The following ACACA variants were observed in gnomAD, a reference collection of about 807,000 sequenced individuals.
The protein encoded by ACACA is acetyl-CoA carboxylase 1.
ACACA carries 103 observed loss-of-function variants against 296.1 expected under a neutral mutation model. The ratio of observed to expected loss-of-function variants is 0.35; its 90% CI spans 0.30 to 0.41. The LOEUF is 0.41. ACACA is among the 10% of genes least tolerant of loss of function. The pLI is 1.00. For synonymous variants in ACACA, 953 were observed against 1,038.6 expected (o/e 0.92, Z 1.58); for missense variants, 1,554 against 2,989.7 (o/e 0.52, Z 11.20).
intron 25 of ACACA, among the ~76,000 whole-genome samples, chr17:37,227,113 A>G (rs2079574705): frequency 1.3e-5 from 2 of 152,208 alleles, no homozygotes; most frequent in African/African-American, 4.8e-5. Flanking sequence ...GGCTCCTACT[A>G]TAGAATCCAT....
chr17:37,302,202 C>CTT (rs1238449451), intron 3 of ACACA, among the ~76,000 whole-genome samples: 3 of 120,828 alleles, frequency 2.5e-5, no homozygotes, highest in Non-Finnish European at 3.5e-5. Context: ...GTCTGGAACT[C>CTT]TTTTTTTTTT....
intron 42 of ACACA, among the ~76,000 whole-genome samples, chr17:37,160,054 A>G (rs2076400071): frequency 6.6e-6 from 1 of 152,228 alleles, no homozygotes. Flanking sequence ...GTGGAATGGT[A>G]AGGGTGCAAG....
At chr17:37,315,339 CT>C (rs2047040635) in intron 3 of ACACA, among the ~76,000 whole-genome samples, 1 of 152,182 alleles carries the variant, frequency 6.6e-6, no homozygotes, top group African/African-American at 2.4e-5. Context: ...TGTCTTATGT[CT>C]GAGCTGTATT....
chr17:37,246,335 A>G (rs1180979345), intron 19 of ACACA, among the ~76,000 whole-genome samples: 2 of 152,116 alleles, frequency 1.3e-5, no homozygotes. Flanking sequence ...TCATTTGCCT[A>G]TGTGTTTTAA....
At chr17:37,321,061 T>C (rs1598481719) in intron 3 of ACACA, among the ~76,000 whole-genome samples, 2 of 152,174 alleles carry the variant, frequency 1.3e-5, no homozygotes, top group East Asian at 3.8e-4. Flanking sequence ...GTATCCGGCA[T>C]ACAGTAAAGC....
intron 24 of ACACA, among the ~76,000 whole-genome samples, chr17:37,236,431 C>T (rs986290486): frequency 1.3e-5 from 2 of 151,018 alleles, no homozygotes; most frequent in African/African-American, 4.9e-5. Context: ...CACATTTACC[C>T]GGGGTGAGGG....
At chr17:37,164,218 G>A (rs910846674) in intron 41 of ACACA, among the ~76,000 whole-genome samples, 1 of 151,944 alleles carries the variant, frequency 6.6e-6, no homozygotes, top group Non-Finnish European at 1.5e-5. Context: ...CCTCATTGGG[G>A]AGCTGGCCAT....
chr17:37,397,246 A>G (rs187701609), intron 1 of ACACA, among the ~76,000 whole-genome samples: 155 of 152,284 alleles, frequency 1.0e-3, no homozygotes, highest in Admixed American at 3.3e-3. Context: ...ATAGTATTCC[A>G]TAGTGTATAT....
At chr17:37,154,350 A>G (rs1474563019) in intron 43 of ACACA, among the ~76,000 whole-genome samples, 2 of 152,178 alleles carry the variant, frequency 1.3e-5, no homozygotes, top group African/African-American at 2.4e-5. Context: ...AAAGTAGCCA[A>G]TAATACTTGA....
intron 14 of ACACA, among the ~76,000 whole-genome samples, chr17:37,253,402 T>C (rs1185472250): frequency 2.0e-5 from 3 of 151,574 alleles, no homozygotes; most frequent in Non-Finnish European, 4.4e-5. Flanking sequence ...CCCAAAAAAA[T>C]AAAAATAAAA....
At chr17:37,233,530 A>G (rs925007315) in intron 25 of ACACA, among the ~76,000 whole-genome samples, 3 of 152,188 alleles carry the variant, frequency 2.0e-5, no homozygotes, top group East Asian at 1.9e-4. Flanking sequence ...ACGTAATCAC[A>G]ATAAAAAGAA....
intron 1 of ACACA, among the ~76,000 whole-genome samples, chr17:37,386,420 C>T (rs984440009): frequency 6.6e-6 from 1 of 152,000 alleles, no homozygotes; most frequent in Non-Finnish European, 1.5e-5. Context: ...GGTGAAAACC[C>T]GCCTCTACTA....
intron 50 of ACACA, among the ~76,000 whole-genome samples, chr17:37,117,789 G>GTTT (rs57262044): frequency 6.8e-6 from 1 of 147,322 alleles, no homozygotes; most frequent in Non-Finnish European, 1.5e-5. Context: ...GACTAGTAGA[G>GTTT]TTTTTTTTTT....
At chr17:37,131,931 G>A (rs1001295318) in intron 45 of ACACA, among the ~76,000 whole-genome samples, 4 of 152,174 alleles carry the variant, frequency 2.6e-5, no homozygotes, top group South Asian at 2.1e-4. Context: ...GAGGGAAGAC[G>A]GTATCTGACC....
intron 14 of ACACA, among the ~76,000 whole-genome samples, chr17:37,256,343 T>C (rs2081227700): frequency 6.6e-6 from 1 of 152,206 alleles, no homozygotes; most frequent in African/African-American, 2.4e-5. Flanking sequence ...CTGGTAGCAG[T>C]GTTTTAATTT....
intron 1 of ACACA, among the ~76,000 whole-genome samples, chr17:37,354,082 G>A (rs8080375): frequency 1.1e-4 from 16 of 152,074 alleles, no homozygotes; most frequent in African/African-American, 3.6e-4. Flanking sequence ...CACTCCAGCC[G>A]GGATGACAGA....
chr17:37,173,993 TA>T (rs2076986203), intron 41 of ACACA, among the ~76,000 whole-genome samples: 101 of 9,708 alleles, frequency 0.01, 6 homozygotes, highest in African/African-American at 0.046. Flanking sequence ...TATATATATA[TA>T]TATATATATA....
At chr17:37,276,470 T>G (rs1326458118) in intron 7 of ACACA, among the ~76,000 whole-genome samples, 1 of 152,232 alleles carries the variant, frequency 6.6e-6, no homozygotes, top group Non-Finnish European at 1.5e-5. Flanking sequence ...AAAGGAGACA[T>G]CTTTAAAAAG....
intron 31 of ACACA, among the ~76,000 whole-genome samples, chr17:37,207,158 G>C (rs2078540967): frequency 6.6e-6 from 1 of 152,180 alleles, no homozygotes; most frequent in Non-Finnish European, 1.5e-5. Context: ...TCATATGTAA[G>C]ATATGAGCAC....
Sources: gnomAD v4.1 joint callset for allele counts (sites outside exome capture counted in the v4.1 genomes callset) on GRCh38, gnomAD v4.1.1 for gene constraint, MANE v1.5 for transcripts, NCBI Gene and HGNC (gene_info 2026-07-23, HGNC 2026-07-21) for gene names.